VNN1: variants seen among roughly 807,000 people sequenced by gnomAD.
The protein encoded by VNN1 is pantetheinase.
A neutral mutation model predicts 41.9 loss-of-function variants in VNN1; 29 were observed. The ratio of observed to expected loss-of-function variants is 0.69; its 90% CI spans 0.52 to 0.94. VNN1 has a LOEUF of 0.94. Ranked by LOEUF, VNN1 falls within the 40% of genes least tolerant of loss-of-function variation. The probability of loss-of-function intolerance (pLI) is 0.00; values close to 1 mark genes in which losing one functional copy is unlikely to be tolerated. For synonymous variants in VNN1, 233 were observed against 224.4 expected (o/e 1.04, Z -0.34); for missense variants, 637 against 621.1 (o/e 1.03, Z -0.27).
At chr6:132,686,703 A>C (rs1778214315) in intron 5 of VNN1, among the ~76,000 whole-genome samples, 1 of 152,340 alleles carries the variant, frequency 6.6e-6, no homozygotes, top group South Asian at 2.1e-4. Flanking sequence ...AGTTTTTGGT[A>C]ATCCCCAAGA....
In VNN1 at chr6:132,684,428, A is replaced by C. The variant is rs1413327123; in HGVS notation, c.1266T>G (p.Phe422Leu). 2 of 1,614,090 alleles carry C rather than the reference A, an allele frequency of 1.2e-6. No homozygotes were observed. Among genetic ancestry groups the C allele is most frequent in the Non-Finnish European group, 1.7e-6 (2 of 1,179,972 alleles). Reference sequence around the variant, plus strand: ...AAGTGCCACTGAGGGAGAACATTTCAAACCTGGTAGAAGCTGTTTCAGCTG... The same window carrying C: ...AAGTGCCACTGAGGGAGAACATTTCCAACCTGGTAGAAGCTGTTTCAGCTG... ...GDSAETASTR[F>L]EMFSLSGTFG... The change falls in exon 6 of 7, where the codon TTT becomes TTG. Residue 422 changes from phenylalanine (F) to leucine (L), a missense_variant. Coordinates refer to ENST00000367928, the MANE Select transcript of VNN1 (RefSeq NM_004666.3).
At position 132,693,333 on chromosome 6, in the gene VNN1, T is replaced by A. The variant is rs762896089; in HGVS notation, c.535-18A>T. 4.5e-6 allele frequency: 7 copies of A among 1,564,228 alleles called. No individual in the cohort carries two copies. Among genetic ancestry groups the A allele is most frequent in the Admixed American group, 2.0e-5 (1 of 50,450 alleles). The stretch of plus-strand genomic sequence containing the variant: ...AGGTTTTGCTGCAATAAACAGAAGA[T>A]AAAGAGAAAAAAATTATTTTAGGAA... On this transcript the variant is annotated intron_variant, in intron 3 of 6. Coordinates refer to ENST00000367928, the MANE Select transcript of VNN1 (RefSeq NM_004666.3).
At chr6:132,695,171 A>G (rs767769412) in intron 2 of VNN1, among the ~76,000 whole-genome samples, 1 of 152,142 alleles carries the variant, frequency 6.6e-6, no homozygotes, top group Non-Finnish European at 1.5e-5. Flanking sequence ...ATTTTTTTGA[A>G]TGAGTTAACA....
At chr6:132,704,492 T>G (rs1778490831) in intron 2 of VNN1, among the ~76,000 whole-genome samples, 1 of 152,072 alleles carries the variant, frequency 6.6e-6, no homozygotes, top group Admixed American at 6.5e-5. Flanking sequence ...AAGAAGAAAT[T>G]TAAAATTTTT....
intron 2 of VNN1, among the ~76,000 whole-genome samples, chr6:132,694,959 C>G (rs540468706): frequency 2.2e-4 from 34 of 152,164 alleles, no homozygotes; most frequent in Non-Finnish European, 4.1e-4. Context: ...TCGAGACCAG[C>G]CAGACCAACA....
chr6:132,708,917 G>A (rs1778556301), intron 2 of VNN1, among the ~76,000 whole-genome samples: 1 of 152,068 alleles, frequency 6.6e-6, no homozygotes, highest in African/African-American at 2.4e-5. Flanking sequence ...CTGTTCCATA[G>A]GTTAGACACA....
chr6:132,684,629 T>A, intron 5 of VNN1, 124 bp from the exon 6 acceptor site: 2 of 742,646 alleles, frequency 2.7e-6, no homozygotes, highest in Non-Finnish European at 3.9e-6. Context: ...TGTAAAGATA[T>A]ACAATTTTCA....
At chr6:132,709,081 C>CGCTT in intron 2 of VNN1, among the ~76,000 whole-genome samples, 1 of 152,228 alleles carries the variant, frequency 6.6e-6, no homozygotes, top group South Asian at 2.1e-4. Flanking sequence ...TTCAGCCCCA[C>CGCTT]GCTTGCCACC....
At chr6:132,695,491 A>G (rs1262054835) in intron 2 of VNN1, among the ~76,000 whole-genome samples, 1 of 152,102 alleles carries the variant, frequency 6.6e-6, no homozygotes, top group Admixed American at 6.6e-5. Context: ...TCTTTCAAAT[A>G]TACGAGATCT....
At position 132,684,400 on chromosome 6, in the gene VNN1, C is replaced by T. The variant is rs202106128; in HGVS notation, c.1294G>A (p.Gly432Arg). The T allele has an allele frequency of 1.2e-4, 195 of 1,613,832 alleles. No homozygotes were observed. The highest frequency in any genetic ancestry group is 1.5e-4 in the Non-Finnish European group (181 of 1,179,926). ...FEMFSLSGTF[G>R]TQYVFPEVLL... The stretch of plus-strand genomic sequence containing the variant: ...ACCTCAGGAAAGACATACTGGGTTC[C>T]GAAAGTGCCACTGAGGGAGAACATT... The change falls in exon 6 of 7, where the codon GGA becomes AGA. Residue 432 changes from glycine (G) to arginine (R), a missense_variant. By Grantham distance (125) the Gly-to-Arg change is moderately radical. Transcript: ENST00000367928.
intron 6 of VNN1, among the ~76,000 whole-genome samples, chr6:132,683,744 C>T (rs1015897549): frequency 6.6e-6 from 1 of 152,180 alleles, no homozygotes; most frequent in Non-Finnish European, 1.5e-5. Context: ...TTCCATTGTC[C>T]TCCCACACCC....
At position 132,682,284 on chromosome 6, in the gene VNN1, A is replaced by G. The variant is rs898652656; in HGVS notation, c.*856T>C. On this transcript the variant is annotated 3_prime_UTR_variant, in exon 7 of 7. Coordinates refer to ENST00000367928, the MANE Select transcript of VNN1 (RefSeq NM_004666.3). ...GGTAAGCCTTTTGTTGAAGCTTCAG[A>G]TTACAGTAGAAAACAGTAGTGGTGG... The G allele has an allele frequency of 3.3e-5, 5 of 152,258 alleles. No individual in the cohort carries two copies. Among genetic ancestry groups the G allele is most frequent in the African/African-American group, 1.2e-4 (5 of 41,444 alleles). 9.4% of individuals were successfully genotyped at this position (152,258 alleles called of 1,614,324 possible). A position where few individuals can be genotyped will look rare whatever the true frequency, so the allele number is the denominator to read the frequency against.
At chr6:132,684,593 A>G in intron 5 of VNN1, 88 bp from the exon 6 acceptor site, 1 of 1,306,534 alleles carries the variant, frequency 7.7e-7, no homozygotes, top group Non-Finnish European at 1.1e-6. Context: ...CGGTGTGTAC[A>G]CATATCAAAA....
intron 2 of VNN1, among the ~76,000 whole-genome samples, chr6:132,710,008 G>A (rs1375894785): frequency 1.3e-5 from 2 of 152,086 alleles, no homozygotes; most frequent in Non-Finnish European, 2.9e-5. Context: ...AATCCACCTT[G>A]TCAAAATCAA....
intron 2 of VNN1, among the ~76,000 whole-genome samples, chr6:132,702,697 C>G (rs1157841589): frequency 1.3e-5 from 2 of 152,186 alleles, no homozygotes; most frequent in African/African-American, 4.8e-5. Context: ...TAAAATAAAG[C>G]ACCAAGTAGA....
chr6:132,689,133 G>A (rs920578783), intron 5 of VNN1, among the ~76,000 whole-genome samples: 6 of 152,080 alleles, frequency 3.9e-5, no homozygotes, highest in South Asian at 2.1e-4. Flanking sequence ...TGATCTGCCC[G>A]CCTTGACCTC....
intron 2 of VNN1, chr6:132,699,754 A>G (rs1290795708): frequency 6.6e-6 from 1 of 152,298 alleles, no homozygotes; most frequent in Non-Finnish European, 1.5e-5. Flanking sequence ...AATATTAATT[A>G]TCTTCAAAAT....
At chr6:132,706,508 AAATG>A (rs1339190311) in intron 2 of VNN1, among the ~76,000 whole-genome samples, 5 of 152,196 alleles carry the variant, frequency 3.3e-5, no homozygotes, top group Non-Finnish European at 1.5e-5. Flanking sequence ...AATCAAATAA[AAATG>A]AATTATATAC....
At chr6:132,698,937 C>G (rs1284564976) in intron 2 of VNN1, 1 of 189,186 alleles carries the variant, frequency 5.3e-6, no homozygotes, top group Admixed American at 5.8e-5. Context: ...TGCAAGGCTA[C>G]AGGACTTTGA....
Sources: gnomAD v4.1 joint callset for allele counts (sites outside exome capture counted in the v4.1 genomes callset) on GRCh38, gnomAD v4.1.1 for gene constraint, MANE v1.5 for transcripts, NCBI Gene and HGNC (gene_info 2026-07-23, HGNC 2026-07-21) for gene names.